The following KSR1 variants were observed in gnomAD, a reference collection of about 807,000 sequenced individuals.
KSR1 encodes the protein kinase suppressor of ras.
Under a neutral mutation model 92.9 loss-of-function variants are expected in KSR1, and 35 were observed. The ratio of observed to expected loss-of-function variants is 0.38; its 90% CI spans 0.29 to 0.50. The LOEUF (loss-of-function observed/expected upper bound fraction) is 0.50, where lower values mean the gene tolerates loss of function less well. KSR1 is among the 20% of genes least tolerant of loss of function. The pLI is 0.94. For missense variants in KSR1, 972 were observed against 1,158.5 expected (o/e 0.84, Z 2.34); for synonymous variants, 467 against 472.6 (o/e 0.99, Z 0.15).
intron 1 of KSR1, among the ~76,000 whole-genome samples, chr17:27,511,731 A>C (rs2069607889): frequency 6.6e-6 from 1 of 152,216 alleles, no homozygotes; most frequent in South Asian, 2.1e-4. Flanking sequence ...TTCAGTGCCC[A>C]AGCAGGGTTG....
At position 27,624,348 on chromosome 17, in the gene KSR1, T is replaced by C; in HGVS notation, c.*956T>C. ...CACTGTAAAAACCCTTTGTCAGTCA[T>C]GCCAGAAGGTTCTAGAACTGCCCAC... is the stretch of plus-strand genomic sequence containing the variant. On this transcript the variant is annotated 3_prime_UTR_variant, in exon 21 of 21. Transcript: ENST00000644974. 1 of 152,276 alleles carries C rather than the reference T, an allele frequency of 6.6e-6. No individual in the cohort carries two copies. 9.4% of individuals were successfully genotyped at this position (152,276 alleles called of 1,614,324 possible). A position where few individuals can be genotyped will look rare whatever the true frequency, so the allele number is the denominator to read the frequency against.
chr17:27,558,260 T>G (rs2071682983), intron 2 of KSR1: 1 of 136,940 alleles, frequency 7.3e-6, no homozygotes. Context: ...ATTTACTCCC[T>G]TCTCTCTCTT....
Position 27,585,670 on chromosome 17 carries a change from G to A in KSR1, c.985+9G>A, listed in dbSNP as rs772254625. 1.3e-6 allele frequency: 1 copy of A among 764,784 alleles called. No homozygotes were observed. The highest frequency in any genetic ancestry group is 2.4e-6 in the Non-Finnish European group (1 of 410,374). The allele number at this position is 764,784 out of a possible 1,614,324, so 47.4% of individuals were successfully genotyped here. A position where few individuals can be genotyped will look rare whatever the true frequency, so the allele number is the denominator to read the frequency against. ...TGTCTCCTCCAGGTTTGGTAAGAGA[G>A]ATTCATTTCCATCCCCTCTACCACC... On this transcript the variant is annotated intron_variant, in intron 5 of 20. Coordinates refer to ENST00000644974, the MANE Select transcript of KSR1 (RefSeq NM_001394583.1).
At chr17:27,562,239 G>A (rs958149479) in intron 2 of KSR1, among the ~76,000 whole-genome samples, 22 of 152,172 alleles carry the variant, frequency 1.4e-4, no homozygotes, top group Non-Finnish European at 2.8e-4. Context: ...GCAGGGACCT[G>A]GCTATTTCAT....
intron 2 of KSR1, among the ~76,000 whole-genome samples, chr17:27,567,094 CAGTTG>C (rs1364407874): frequency 1.3e-5 from 2 of 152,118 alleles, no homozygotes; most frequent in African/African-American, 4.8e-5. Flanking sequence ...AGCTACCAAG[CAGTTG>C]TGCCTAGGCT....
At chr17:27,526,039 TTTCTTTCTCTC>T (rs1028400889) in intron 1 of KSR1, among the ~76,000 whole-genome samples, 4 of 90,486 alleles carry the variant, frequency 4.4e-5, no homozygotes, top group African/African-American at 2.4e-4. Flanking sequence ...TTTCTTTTCT[TTTCTTTCTCTC>T]TCTCTCTCTC....
chr17:27,584,532 A>C (rs975229732), intron 4 of KSR1, among the ~76,000 whole-genome samples: 1 of 152,208 alleles, frequency 6.6e-6, no homozygotes, highest in Non-Finnish European at 1.5e-5. Flanking sequence ...GAGGCCTCAC[A>C]GTGGGCTCAA....
chr17:27,582,681 T>TTGGA lies in KSR1; in HGVS notation c.559_562dup (p.Ala188GlyfsTer59). 6.2e-7 allele frequency: 1 copy of TTGGA among 1,612,968 alleles called. No individual in the cohort carries two copies. Among genetic ancestry groups the TTGGA allele is most frequent in the Non-Finnish European group, 8.5e-7 (1 of 1,179,290 alleles). ...CAAGGAGGACTCCAGTTGGAGTTCA[T>TTGGA]TGGATGCGCGGCGGGAAAGTGGCTC... On this transcript the variant is annotated frameshift_variant, in exon 4 of 21. Transcript: ENST00000644974. LOFTEE classifies it high-confidence loss of function.
intron 19 of KSR1, among the ~76,000 whole-genome samples, chr17:27,620,763 G>A (rs948982900): frequency 3.9e-5 from 6 of 152,134 alleles, no homozygotes; most frequent in East Asian, 1.9e-4. Flanking sequence ...GGTTTTCTCC[G>A]TGACGAAAGA....
intron 1 of KSR1, among the ~76,000 whole-genome samples, chr17:27,483,378 G>A (rs2068568355): frequency 1.3e-5 from 2 of 152,110 alleles, no homozygotes; most frequent in South Asian, 2.1e-4. Flanking sequence ...ACCTGAGGTC[G>A]GGAGTTCGAG....
intron 19 of KSR1, among the ~76,000 whole-genome samples, chr17:27,618,989 C>T (rs900647700): frequency 9.9e-5 from 15 of 152,154 alleles, no homozygotes; most frequent in Non-Finnish European, 4.4e-5. Flanking sequence ...AGCCACTGCG[C>T]CCGGCCAGTT....
chr17:27,579,483 A>G (rs2072654407), intron 3 of KSR1: 1 of 152,216 alleles, frequency 6.6e-6, no homozygotes, highest in Admixed American at 6.5e-5. Flanking sequence ...AAGTCCTTAG[A>G]TCAGAGCCTG....
intron 14 of KSR1, among the ~76,000 whole-genome samples, chr17:27,607,224 A>T (rs557710782): frequency 6.6e-6 from 1 of 152,300 alleles, no homozygotes; most frequent in African/African-American, 2.4e-5. Flanking sequence ...TCACCAACCA[A>T]TATTCTCTAC....
intron 2 of KSR1, among the ~76,000 whole-genome samples, chr17:27,570,450 T>C (rs2072262053): frequency 6.6e-6 from 1 of 152,224 alleles, no homozygotes; most frequent in South Asian, 2.1e-4. Context: ...TTATTGCCCT[T>C]TCTTGAACCC....
In KSR1 at chr17:27,597,444, ATC is replaced by A; in HGVS notation, c.1468+11_1468+12del. ...GCAGGTTCAACTTCCCAGGTACCAC[ATC>A]TCCAGGCTTTTCTGGGTTCTAAGGG... is the stretch of plus-strand genomic sequence containing the variant. On this transcript the variant is annotated intron_variant, in intron 10 of 20. Coordinates refer to ENST00000644974, the MANE Select transcript of KSR1 (RefSeq NM_001394583.1). The A allele has an allele frequency of 6.3e-7, 1 of 1,595,380 alleles. No homozygotes were observed. Among genetic ancestry groups the A allele is most frequent in the Admixed American group, 1.7e-5 (1 of 58,802 alleles).
At chr17:27,601,209 G>A in intron 10 of KSR1, 151 bp from the exon 11 acceptor site, 1 of 644,482 alleles carries the variant, frequency 1.6e-6, no homozygotes, top group Non-Finnish European at 2.8e-6. Flanking sequence ...CTTCCTGCAT[G>A]GTTTGGCCTG....
chr17:27,526,096 C>CTTTCTCTCTCTCTT (rs745956787), intron 1 of KSR1, among the ~76,000 whole-genome samples: 1 of 112,666 alleles, frequency 8.9e-6, no homozygotes, highest in African/African-American at 4.1e-5. Context: ...TTCTTTCTTT[C>CTTTCTCTCTCTCTT]TCTCTCTCTC....
At chr17:27,596,641 C>G (rs904547317) in intron 9 of KSR1, among the ~76,000 whole-genome samples, 1 of 152,210 alleles carries the variant, frequency 6.6e-6, no homozygotes, top group Admixed American at 6.5e-5. Flanking sequence ...TCACCTCTTT[C>G]AGGGTTTTGT....
intron 1 of KSR1, among the ~76,000 whole-genome samples, chr17:27,550,094 C>T (rs544925297): frequency 3.3e-5 from 5 of 152,272 alleles, no homozygotes; most frequent in South Asian, 4.1e-4. Flanking sequence ...GGCTGGAGTA[C>T]GGTGGTGTGA....
Sources: allele counts gnomAD v4.1 joint callset (sites outside exome capture counted in the v4.1 genomes callset), GRCh38; gene constraint gnomAD v4.1.1; transcripts MANE v1.5; gene names NCBI Gene and HGNC (gene_info 2026-07-23, HGNC 2026-07-21).